The following NOL4L variants were observed in gnomAD, a reference collection of about 807,000 sequenced individuals.
NOL4L encodes nucleolar protein 4-like.
In NOL4L, 7 loss-of-function variants were observed where a neutral mutation model predicts 64.5. That is an observed-to-expected ratio of 0.11 (90% CI 0.06 to 0.20). The LOEUF is 0.20. Among genes scored for constraint, NOL4L ranks in the 10% least tolerant of loss-of-function variants. NOL4L has a pLI of 1.00. For missense variants in NOL4L, 680 were observed against 967.1 expected, an observed-to-expected ratio of 0.70 and a Z score of 3.94; for synonymous variants, 413 against 401.0, an observed-to-expected ratio of 1.03 and a Z score of -0.36.
chr20:32,583,826 C>T (rs572785187), intron 1 of NOL4L, among the ~76,000 whole-genome samples: 2,317 of 146,554 alleles, frequency 0.016, 43 homozygotes, highest in African/African-American at 0.053. Flanking sequence ...CCACCCCGCC[C>T]GGACCGGGCC....
intron 3 of NOL4L, 29 bp downstream of exon 3, chr20:32,520,782 C>G (rs767909929): frequency 1.4e-6 from 2 of 1,426,484 alleles, no homozygotes; most frequent in South Asian, 2.5e-5. Flanking sequence ...GGCCCCCGCC[C>G]TAGCCCTCCA....
At chr20:32,467,227 C>T (rs2014633860) in intron 5 of NOL4L, among the ~76,000 whole-genome samples, 1 of 152,140 alleles carries the variant, frequency 6.6e-6, no homozygotes, top group South Asian at 2.1e-4. Context: ...GCAGCACTGA[C>T]TCCTCGCTGC....
rs538304650 is a variant in NOL4L at position 32,443,721 on chromosome 20, G to A, written c.*3875C>T. The A allele has an allele frequency of 4.6e-5, 7 of 152,306 alleles. No individual in the cohort carries two copies. Among genetic ancestry groups the A allele is most frequent in the African/African-American group, 1.7e-4 (7 of 41,578 alleles). 9.4% of individuals were successfully genotyped at this position (152,306 alleles called of 1,614,324 possible). ...CTTGGGTTGTCCCTAAATCCTGGAT[G>A]GCTTGATCCTGAAGGCAACATGAGT... On this transcript the variant is annotated 3_prime_UTR_variant, in exon 11 of 11. Coordinates refer to ENST00000621426, the MANE Select transcript of NOL4L (RefSeq NM_001256798.2).
intron 6 of NOL4L, among the ~76,000 whole-genome samples, chr20:32,454,326 C>T (rs2013252315): frequency 6.6e-6 from 1 of 152,218 alleles, no homozygotes; most frequent in Non-Finnish European, 1.5e-5. Context: ...AGGATGCGTT[C>T]CCGCAGCTCC....
In NOL4L at chr20:32,453,257, C is replaced by A; in HGVS notation, c.1497+47G>T. On this transcript the variant is annotated intron_variant, in intron 8 of 10. Coordinates refer to ENST00000621426, the MANE Select transcript of NOL4L (RefSeq NM_001256798.2). This position sits in a 1 kb window ranked among gnomAD's most constrained non-coding sequence, Gnocchi z 5.6. ...GCATCCTGGGAGTGTGGCAGGAGGT[C>A]AGTAGTGGCACCGAGGGAAAGTGTG... 1.3e-6 allele frequency: 2 copies of A among 1,588,758 alleles called. No homozygotes were observed. The highest frequency in any genetic ancestry group is 1.1e-5 in the South Asian group (1 of 87,460).
intron 4 of NOL4L, among the ~76,000 whole-genome samples, chr20:32,507,566 A>G (rs373371853): frequency 6.6e-6 from 1 of 152,240 alleles, no homozygotes; most frequent in East Asian, 1.9e-4. Context: ...AAATCCCACC[A>G]CCTGCATTTT....
At chr20:32,496,204 T>C (rs1304824870) in intron 4 of NOL4L, among the ~76,000 whole-genome samples, 1 of 152,160 alleles carries the variant, frequency 6.6e-6, no homozygotes, top group East Asian at 1.9e-4. Flanking sequence ...CCCCAGGGTC[T>C]TTGCATGTGC....
At chr20:32,536,376 G>T (rs565912102) in intron 1 of NOL4L, 1 of 927,856 alleles carries the variant, frequency 1.1e-6, no homozygotes, top group African/African-American at 1.8e-5. Context: ...AGGGCCGGGG[G>T]AAGAGGTGGG....
At chr20:32,519,563 G>T (rs1293507516) in intron 3 of NOL4L, 1 of 152,198 alleles carries the variant, frequency 6.6e-6, no homozygotes, top group African/African-American at 2.4e-5. Context: ...CGCCCACCTG[G>T]GCACCATTTC....
At chr20:32,514,493 G>GA (rs756309871) in intron 3 of NOL4L, among the ~76,000 whole-genome samples, 95 of 141,292 alleles carry the variant, frequency 6.7e-4, no homozygotes, top group Admixed American at 9.3e-4. Flanking sequence ...TCCGTCCCAA[G>GA]GAAAAAAAAA....
At position 32,485,572 on chromosome 20, in the gene NOL4L, T is replaced by A. The variant is rs573017579; in HGVS notation, c.700-10830A>T. 283 of 341,716 alleles carry A rather than the reference T, an allele frequency of 8.3e-4. 1 individual carries two copies. The highest frequency in any genetic ancestry group is 5.7e-3 in the African/African-American group (264 of 46,438). The allele number at this position is 341,716 out of a possible 1,614,324, so 21.2% of individuals were successfully genotyped here. ...TGCACCTTTTATTCCTGAAATCAAA[T>A]GTGTTTTCAAACCAATTCACTCTCC... On this transcript the variant is annotated intron_variant, in intron 4 of 10. Coordinates refer to ENST00000621426, the MANE Select transcript of NOL4L (RefSeq NM_001256798.2).
intron 1 of NOL4L, among the ~76,000 whole-genome samples, chr20:32,578,395 GT>G (rs541817715): frequency 6.6e-6 from 1 of 151,820 alleles, no homozygotes; most frequent in African/African-American, 2.4e-5. Context: ...CTCGTTCTCT[GT>G]TTTTTTTGAG....
chr20:32,560,205 G>A (rs1178168426), intron 1 of NOL4L, among the ~76,000 whole-genome samples: 1 of 152,226 alleles, frequency 6.6e-6, no homozygotes, highest in Non-Finnish European at 1.5e-5. Context: ...ACCAATCGTG[G>A]CCTGCTGAAT....
chr20:32,491,472 T>A (rs1490943001), intron 4 of NOL4L, among the ~76,000 whole-genome samples: 1 of 152,234 alleles, frequency 6.6e-6, no homozygotes, highest in East Asian at 1.9e-4. Flanking sequence ...TACTTTCTGT[T>A]TCCTGCATTA....
chr20:32,530,062 A>G (rs2018287658), intron 1 of NOL4L, among the ~76,000 whole-genome samples: 1 of 152,302 alleles, frequency 6.6e-6, no homozygotes, highest in South Asian at 2.1e-4. Context: ...AATGCCCAGC[A>G]TTACAGGGCT....
intron 4 of NOL4L, chr20:32,509,938 T>C (rs1217799790): frequency 9.2e-6 from 12 of 1,304,140 alleles, no homozygotes; most frequent in Non-Finnish European, 1.1e-5. Flanking sequence ...ACAGTGAGGA[T>C]GGCTACAGGA....
intron 1 of NOL4L, among the ~76,000 whole-genome samples, chr20:32,568,374 A>G (rs1979561700): frequency 6.6e-6 from 1 of 151,984 alleles, no homozygotes; most frequent in East Asian, 1.9e-4. Context: ...TGAGGAGGAG[A>G]CTCAGATTCA....
intron 1 of NOL4L, chr20:32,535,486 T>TGCC: frequency 1.5e-6 from 1 of 645,346 alleles, no homozygotes; most frequent in South Asian, 6.9e-5. Context: ...AGCGCGTAGC[T>TGCC]GCCGCCGCCA....
chr20:32,520,983 G>A (rs1262302529), intron 2 of NOL4L, 61 bp from the exon 3 acceptor site: 4 of 1,085,416 alleles, frequency 3.7e-6, no homozygotes, highest in Non-Finnish European at 5.4e-6. Flanking sequence ...TTGGCCATGG[G>A]GTCACCAAGG....
Sources: gnomAD v4.1 joint callset for allele counts (sites outside exome capture counted in the v4.1 genomes callset) on GRCh38, gnomAD v4.1.1 for gene constraint, Gnocchi (gnomAD v3.1) non-coding constraint, MANE v1.5 for transcripts, NCBI Gene and HGNC (gene_info 2026-07-23, HGNC 2026-07-21) for gene names.